Variants in INPP4B observed in about 807,000 individuals in gnomAD.
INPP4B encodes inositol polyphosphate 4-phosphatase type II.
A neutral mutation model predicts 122.5 loss-of-function variants in INPP4B; 55 were observed. The ratio of observed to expected loss-of-function variants is 0.45; its 90% CI spans 0.36 to 0.56. INPP4B has a LOEUF of 0.56. INPP4B is among the 20% of genes least tolerant of loss of function. The probability of loss-of-function intolerance (pLI) is 0.00; values close to 1 mark genes in which losing one functional copy is unlikely to be tolerated. For missense variants in INPP4B, 1,000 were observed against 1,097.7 expected (o/e 0.91, Z 1.26); for synonymous variants, 403 against 388.7 (o/e 1.04, Z -0.43).
intron 2 of INPP4B, among the ~76,000 whole-genome samples, chr4:142,597,712 A>G (rs897636617): frequency 3.9e-5 from 6 of 152,212 alleles, no homozygotes; most frequent in Non-Finnish European, 7.3e-5. Flanking sequence ...TTAACAGTTT[A>G]TATACACTGT....
chr4:142,399,834 C>T (rs1307927336), intron 7 of INPP4B, among the ~76,000 whole-genome samples: 2 of 152,114 alleles, frequency 1.3e-5, no homozygotes, highest in African/African-American at 4.8e-5. Flanking sequence ...CATAAAGACC[C>T]TTCACTCCAT....
intron 15 of INPP4B, among the ~76,000 whole-genome samples, chr4:142,192,297 A>G (rs1836249133): frequency 7.4e-6 from 1 of 134,526 alleles, no homozygotes; most frequent in Non-Finnish European, 1.6e-5. Flanking sequence ...AAAAAGAAAG[A>G]AAAAAACCTG....
intron 25 of INPP4B, among the ~76,000 whole-genome samples, chr4:142,030,940 ATCT>A (rs1255167634): frequency 2.0e-5 from 3 of 152,164 alleles, no homozygotes; most frequent in Non-Finnish European, 2.9e-5. Context: ...CCTCCTGCTC[ATCT>A]TCTTTAGATA....
chr4:142,766,691 C>CAA, intron 1 of INPP4B: 1 of 148,962 alleles, frequency 6.7e-6, no homozygotes. Context: ...AGTATTTTCT[C>CAA]AAAAAAAAAA....
intron 25 of INPP4B, among the ~76,000 whole-genome samples, chr4:142,045,412 T>C (rs1180548691): frequency 6.6e-6 from 1 of 152,180 alleles, no homozygotes; most frequent in African/African-American, 2.4e-5. Flanking sequence ...TCCAACATAC[T>C]ATTTCTGATT....
At chr4:142,205,250 A>T (rs1305640600) in intron 14 of INPP4B, among the ~76,000 whole-genome samples, 1 of 152,162 alleles carries the variant, frequency 6.6e-6, no homozygotes, top group Non-Finnish European at 1.5e-5. Flanking sequence ...GTTAATCAAC[A>T]AACATTTGAA....
intron 2 of INPP4B, among the ~76,000 whole-genome samples, chr4:142,489,366 T>C (rs1821582600): frequency 6.6e-6 from 1 of 152,014 alleles, no homozygotes; most frequent in Non-Finnish European, 1.5e-5. Flanking sequence ...ATATATAAAC[T>C]AGATCAATTT....
intron 15 of INPP4B, among the ~76,000 whole-genome samples, chr4:142,182,086 T>A (rs997095334): frequency 6.6e-6 from 1 of 152,088 alleles, no homozygotes; most frequent in African/African-American, 2.4e-5. Flanking sequence ...TGCTTGAGGG[T>A]AAATGAGTAT....
intron 25 of INPP4B, among the ~76,000 whole-genome samples, chr4:142,065,677 G>T (rs149595642): frequency 6.6e-6 from 1 of 152,152 alleles, no homozygotes; most frequent in Non-Finnish European, 1.5e-5. Context: ...AGGGCTGGGG[G>T]GATGGCATTT....
intron 1 of INPP4B, among the ~76,000 whole-genome samples, chr4:142,773,190 G>C (rs1342412306): frequency 6.6e-6 from 1 of 152,090 alleles, no homozygotes; most frequent in East Asian, 1.9e-4. Context: ...TCCTAGACTA[G>C]AGATAAGGAA....
chr4:142,830,331 T>C (rs1275857716), intron 1 of INPP4B, among the ~76,000 whole-genome samples: 1 of 152,172 alleles, frequency 6.6e-6, no homozygotes, highest in Non-Finnish European at 1.5e-5. Flanking sequence ...GAAGTACCTA[T>C]GAAATGTAAT....
chr4:142,607,500 G>A (rs541174519), intron 2 of INPP4B, among the ~76,000 whole-genome samples: 17 of 152,102 alleles, frequency 1.1e-4, no homozygotes, highest in Admixed American at 3.3e-4. Flanking sequence ...TGATACCATC[G>A]TTATTAGTCT....
intron 17 of INPP4B, among the ~76,000 whole-genome samples, chr4:142,153,420 T>C (rs1208077077): frequency 6.6e-6 from 1 of 152,232 alleles, no homozygotes; most frequent in Non-Finnish European, 1.5e-5. Flanking sequence ...ATAGAATATA[T>C]TAAAGTTTGA....
intron 2 of INPP4B, among the ~76,000 whole-genome samples, chr4:142,661,897 G>A (rs529827582): frequency 2.6e-5 from 4 of 152,298 alleles, no homozygotes; most frequent in Admixed American, 2.6e-4. Context: ...GATCTGATGG[G>A]GACTGAGGTG....
intron 2 of INPP4B, among the ~76,000 whole-genome samples, chr4:142,665,814 G>A (rs1468795596): frequency 6.6e-6 from 1 of 152,092 alleles, no homozygotes. Context: ...GTATGTGTGT[G>A]TACAGTAGTC....
chr4:142,374,883 A>C (rs1791260714), intron 7 of INPP4B, among the ~76,000 whole-genome samples: 1 of 151,950 alleles, frequency 6.6e-6, no homozygotes, highest in African/African-American at 2.4e-5. Flanking sequence ...CTGTAGAAGA[A>C]ATTTTATAAT....
Position 142,270,699 on chromosome 4 carries a change from T to C in INPP4B, c.579A>G (p.Glu193=), listed in dbSNP as rs1177317815. The C allele has an allele frequency of 6.2e-7, 1 of 1,613,304 alleles. No individual in the cohort carries two copies. The highest frequency in any genetic ancestry group is 1.3e-5 in the African/African-American group (1 of 74,884). The stretch of plus-strand genomic sequence containing the variant: ...GTACATCTGTGGTGATGTGGTCGGC[T>C]TCCCCATCCTCAATCTCCCCCATCT... ...VVKMGEIEDG[E]ADHITTDVQG... is the part of the protein sequence containing the mutation. Residue 193 remains glutamate (E), a synonymous_variant, in exon 10 of 26, where the codon GAA becomes GAG. Transcript: ENST00000262992.
intron 17 of INPP4B, among the ~76,000 whole-genome samples, chr4:142,153,099 T>G (rs147371741): frequency 1.3e-5 from 2 of 152,316 alleles, no homozygotes; most frequent in African/African-American, 4.8e-5. Flanking sequence ...TTCAATTCAG[T>G]GCAAATATTA....
intron 18 of INPP4B, among the ~76,000 whole-genome samples, chr4:142,126,610 A>G (rs1292748830): frequency 6.6e-6 from 1 of 152,166 alleles, no homozygotes; most frequent in Non-Finnish European, 1.5e-5. Flanking sequence ...AAAAGCATAA[A>G]GAAAGAGGAA....
Sources: allele counts gnomAD v4.1 joint callset (sites outside exome capture counted in the v4.1 genomes callset), GRCh38; gene constraint gnomAD v4.1.1; transcripts MANE v1.5; gene names NCBI Gene and HGNC (gene_info 2026-07-23, HGNC 2026-07-21).